OSBPL9: variants seen among roughly 807,000 people sequenced by gnomAD.
OSBPL9 encodes the protein oxysterol binding protein like 9.
OSBPL9 carries 40 observed loss-of-function variants against 106.6 expected under a neutral mutation model. That is an observed-to-expected ratio of 0.38 (90% CI 0.29 to 0.49). OSBPL9 has a LOEUF of 0.49. OSBPL9 is among the 20% of genes least tolerant of loss of function. The pLI is 0.97. For missense variants in OSBPL9, 609 were observed against 887.2 expected (o/e 0.69, Z 3.98); for synonymous variants, 269 against 295.4 (o/e 0.91, Z 0.92).
At chr1:51,585,480 ATC>A (rs1645243057) in intron 1 of OSBPL9, among the ~76,000 whole-genome samples, 1 of 152,180 alleles carries the variant, frequency 6.6e-6, no homozygotes, top group South Asian at 2.1e-4. Flanking sequence ...CAGGTTAGAT[ATC>A]AAAAATAAAG....
the OSBPL9 span, among the ~76,000 whole-genome samples, chr1:51,570,367 A>G: frequency 0.07 from 10,727 of 152,228 alleles, 897 homozygotes; most frequent in African/African-American, 0.21. Context: ...CATTGAGGCT[A>G]TTTCACTTGT....
the OSBPL9 span, chr1:51,561,769 A>C: frequency 6.6e-6 from 1 of 152,242 alleles, no homozygotes. Flanking sequence ...AAAGATCAGC[A>C]GTCTGAGGCT....
intron 1 of OSBPL9, among the ~76,000 whole-genome samples, chr1:51,620,261 T>C (rs999105989): frequency 3.9e-5 from 6 of 152,322 alleles, no homozygotes; most frequent in African/African-American, 1.2e-4. Context: ...GGGGGAGTTA[T>C]AGATCTATGA....
chr1:51,546,197 T>G, the OSBPL9 span, among the ~76,000 whole-genome samples: 1 of 151,958 alleles, frequency 6.6e-6, no homozygotes, highest in South Asian at 2.1e-4. Flanking sequence ...TTGTGTTTAT[T>G]GTAGAGATGG....
At position 51,644,618 on chromosome 1, in the gene OSBPL9, G is replaced by A. The variant is rs184210410; in HGVS notation, c.112-7373G>A. ...GCTGGGATTATAGAGGTGAGCCACC[G>A]CGCCCAGCCCATGTTGAGTTTTAAA... On this transcript the variant is annotated intron_variant, in intron 1 of 23. Transcript: ENST00000428468. Among the ~76,000 whole-genome samples, 803 of 152,268 alleles carry A rather than the reference G, an allele frequency of 5.3e-3. 9 individuals are homozygous for A. The highest frequency in any genetic ancestry group is 0.018 in the African/African-American group (728 of 41,548).
the OSBPL9 span, among the ~76,000 whole-genome samples, chr1:51,546,785 A>G: frequency 6.6e-6 from 1 of 152,132 alleles, no homozygotes; most frequent in Non-Finnish European, 1.5e-5. Context: ...TGGTAAATAA[A>G]TAAGAGGGCA....
intron 1 of OSBPL9, among the ~76,000 whole-genome samples, chr1:51,625,859 G>C (rs949189462): frequency 1.3e-5 from 2 of 152,126 alleles, no homozygotes; most frequent in African/African-American, 4.8e-5. Context: ...ACTTGCAGAA[G>C]TTAAGTTTAC....
chr1:51,609,909 G>A lies in OSBPL9; in HGVS notation c.-352-4396G>A, dbSNP rs567904988. On this transcript the variant is annotated intron_variant, in intron 2 of 25. Transcript: ENST00000371714. ...ATTACAGGCATGTGCCACCACGCCC[G>A]GCTAATTTTTTGTGTCTTTAGTAGA... Among the ~76,000 whole-genome samples the A allele has an allele frequency of 3.3e-5, 5 of 151,746 alleles. No individual in the cohort carries two copies. In the East Asian group the frequency reaches 5.9e-4, roughly 18 times the overall value.
At chr1:51,576,670 A>G (rs796374032), upstream of OSBPL9, among the ~76,000 whole-genome samples, 1 of 151,760 alleles carries the variant, frequency 6.6e-6, no homozygotes, top group South Asian at 2.1e-4. Context: ...TGGGACCACA[A>G]GCATGCCACT....
upstream of OSBPL9, among the ~76,000 whole-genome samples, chr1:51,613,162 A>G (rs1226518422): frequency 6.6e-6 from 1 of 152,248 alleles, no homozygotes; most frequent in African/African-American, 2.4e-5. Context: ...GACTACAAAG[A>G]TAAGGCCTGG....
At chr1:51,748,030 C>G (rs1668396946) in intron 6 of OSBPL9, among the ~76,000 whole-genome samples, 1 of 152,126 alleles carries the variant, frequency 6.6e-6, no homozygotes, top group Non-Finnish European at 1.5e-5. Flanking sequence ...ACCTCATGAT[C>G]CGCCCACCTC....
chr1:51,523,330 C>G, the OSBPL9 span, among the ~76,000 whole-genome samples: 1 of 151,726 alleles, frequency 6.6e-6, no homozygotes, highest in Non-Finnish European at 1.5e-5. Context: ...TGGTCTTCAA[C>G]TCCTGGGCTC....
intron 16 of OSBPL9, among the ~76,000 whole-genome samples, chr1:51,782,168 A>AG (rs1373538636): frequency 6.6e-6 from 1 of 152,314 alleles, no homozygotes; most frequent in East Asian, 1.9e-4. Context: ...AGTAAAAAAA[A>AG]CAAAACCATA....
At chr1:51,540,054 C>G in the OSBPL9 span, among the ~76,000 whole-genome samples, 1 of 152,222 alleles carries the variant, frequency 6.6e-6, no homozygotes, top group Non-Finnish European at 1.5e-5. Flanking sequence ...CATCCTCTAT[C>G]TCAAGTATTC....
At chr1:51,787,204 C>T in intron 22 of OSBPL9, 149 bp from the exon 23 acceptor site, 2 of 727,372 alleles carry the variant, frequency 2.7e-6, no homozygotes, top group Non-Finnish European at 4.7e-6. Flanking sequence ...TATGTCTGTT[C>T]CTTACTCCAG....
At chr1:51,764,442 G>A (rs1672143609) in intron 11 of OSBPL9, among the ~76,000 whole-genome samples, 1 of 152,114 alleles carries the variant, frequency 6.6e-6, no homozygotes, top group South Asian at 2.1e-4. Flanking sequence ...TTACCTTTTA[G>A]GGGTTAAACT....
At chr1:51,725,164 G>A (rs1662898989) in intron 4 of OSBPL9, among the ~76,000 whole-genome samples, 2 of 150,172 alleles carry the variant, frequency 1.3e-5, no homozygotes, top group South Asian at 2.1e-4. Flanking sequence ...GGTGTCTGTT[G>A]AGATACTCTC....
chr1:51,709,241 G>A (rs573978255), intron 3 of OSBPL9: 170 of 211,398 alleles, frequency 8.0e-4, no homozygotes, highest in African/African-American at 3.6e-3. Flanking sequence ...GGGCTGCAAG[G>A]TCCACATCCC....
intron 13 of OSBPL9, among the ~76,000 whole-genome samples, 185 bp from the exon 14 acceptor site, chr1:51,772,420 C>G (rs1674131974): frequency 6.6e-6 from 1 of 152,172 alleles, no homozygotes; most frequent in Non-Finnish European, 1.5e-5. Flanking sequence ...GAGGCTGATT[C>G]AGGAGAATTG....
Sources: allele counts gnomAD v4.1 joint callset (sites outside exome capture counted in the v4.1 genomes callset), GRCh38; gene constraint gnomAD v4.1.1; transcripts MANE v1.5; gene names NCBI Gene and HGNC (gene_info 2026-07-23, HGNC 2026-07-21).